Variants in ARID3B observed in about 807,000 individuals in gnomAD.
The protein encoded by ARID3B is AT-rich interaction domain 3B.
A neutral mutation model predicts 51.9 loss-of-function variants in ARID3B; 10 were observed. The ratio of observed to expected loss-of-function variants is 0.19; its 90% confidence interval spans 0.12 to 0.33. The LOEUF (loss-of-function observed/expected upper bound fraction) is 0.33. ARID3B is among the 10% of genes least tolerant of loss of function. The pLI is 1.00. For missense variants in ARID3B, 483 were observed against 716.3 expected, an observed-to-expected ratio of 0.67 and a Z score of 3.72; for synonymous variants, 205 against 279.5, an observed-to-expected ratio of 0.73 and a Z score of 2.66.
At chr15:74,557,182 A>G (rs184181328) in intron 2 of ARID3B, among the ~76,000 whole-genome samples, 1 of 151,880 alleles carries the variant, frequency 6.6e-6, no homozygotes, top group Non-Finnish European at 1.5e-5. Flanking sequence ...TCGGAGGCCA[A>G]CGCAGGCGGA....
intron 4 of ARID3B, among the ~76,000 whole-genome samples, chr15:74,589,219 C>T (rs112723646): frequency 0.045 from 6,883 of 151,470 alleles, 168 homozygotes; most frequent in Middle Eastern, 0.13. Flanking sequence ...TTAGTAGAGA[C>T]GGGGTTTCGC....
chr15:74,592,743 G>A (rs965656844), intron 7 of ARID3B, among the ~76,000 whole-genome samples: 1 of 152,226 alleles, frequency 6.6e-6, no homozygotes, highest in East Asian at 1.9e-4. Flanking sequence ...AGAGTCAAAG[G>A]AAAGAAAGGG....
At chr15:74,585,320 T>C (rs897897083) in intron 4 of ARID3B, among the ~76,000 whole-genome samples, 1 of 152,202 alleles carries the variant, frequency 6.6e-6, no homozygotes, top group Non-Finnish European at 1.5e-5. Flanking sequence ...GAAGATAGAA[T>C]ACAGCCCAGA....
intron 4 of ARID3B, among the ~76,000 whole-genome samples, chr15:74,577,380 G>A (rs1382568299): frequency 1.3e-5 from 2 of 151,852 alleles, no homozygotes; most frequent in African/African-American, 2.4e-5. Context: ...ACTTGAACCC[G>A]GGAGGCGGAG....
Position 74,543,766 on chromosome 15 carries a change from T to C in ARID3B, c.-77-94T>C. 7.8e-6 allele frequency: 6 copies of C among 765,190 alleles called. No homozygotes were observed. In the South Asian group the frequency reaches 1.2e-4, roughly 15 times the overall value. 47.4% of individuals were successfully genotyped at this position (765,190 alleles called of 1,614,324 possible). On this transcript the variant is annotated intron_variant, in intron 1 of 8. Transcript: ENST00000346246. Reference sequence around the variant, plus strand: ...GCATATGTTTAGCGTTCGGAACTCATGGCCCTCTACTGGAGAAAAGGAAAC... The same window carrying C: ...GCATATGTTTAGCGTTCGGAACTCACGGCCCTCTACTGGAGAAAAGGAAAC...
rs751944310 is a variant in ARID3B, at chr15:74,573,152, T to C, written c.645T>C (p.Asp215=). 1.9e-6 allele frequency: 3 copies of C among 1,614,098 alleles called. No homozygotes were observed. Among genetic ancestry groups the C allele is most frequent in the African/African-American group, 1.3e-5 (1 of 75,034 alleles). Reference sequence around the variant, plus strand: ...TGCAGCTGTATGAACTGGACGGTGATCCTGAAAGGAAAGAGTTCCTGGATG... The same window carrying C: ...TGCAGCTGTATGAACTGGACGGTGACCCTGAAAGGAAAGAGTTCCTGGATG... ...DFAKLYELDG[D]PERKEFLDDL... The change falls in exon 4 of 9, where the codon GAT becomes GAC. Residue 215 remains aspartate, a synonymous_variant. Transcript: ENST00000346246.
intron 4 of ARID3B, among the ~76,000 whole-genome samples, chr15:74,580,319 CT>C (rs1231957095): frequency 1.3e-5 from 2 of 152,168 alleles, no homozygotes; most frequent in Non-Finnish European, 2.9e-5. Flanking sequence ...TCCATTTAGT[CT>C]TTCAGTGCCC....
chr15:74,564,838 T>G (rs1016322041), intron 2 of ARID3B, among the ~76,000 whole-genome samples: 14 of 151,744 alleles, frequency 9.2e-5, no homozygotes, highest in African/African-American at 3.4e-4. Flanking sequence ...TGGGCTCAAG[T>G]GATCCACCTG....
intron 2 of ARID3B, among the ~76,000 whole-genome samples, chr15:74,554,151 C>T (rs926537630): frequency 2.0e-5 from 3 of 152,018 alleles, no homozygotes; most frequent in Non-Finnish European, 2.9e-5. Flanking sequence ...GGACTACAGG[C>T]GCCTGCCACA....
chr15:74,554,872 T>C (rs2141450892), intron 2 of ARID3B, among the ~76,000 whole-genome samples: 1 of 152,300 alleles, frequency 6.6e-6, no homozygotes, highest in African/African-American at 2.4e-5. Flanking sequence ...AGTCATACAT[T>C]TTTTGTTTCC....
chr15:74,544,423 A>G lies in ARID3B; in HGVS notation c.487A>G (p.Lys163Glu). 3 of 1,614,212 alleles carry G rather than the reference A, an allele frequency of 1.9e-6. No individual in the cohort carries two copies. Among genetic ancestry groups the G allele is most frequent in the Non-Finnish European group, 2.5e-6 (3 of 1,180,036 alleles). ...AKEDHTKDAS[K>E]ASPSVSTAGQ... ...AGAAGACCATACCAAAGATGCTTCC[A>G]AGGCCTCACCTTCTGTCTCCACAGC... The change falls in exon 2 of 9, where the codon AAG becomes GAG. Residue 163 changes from lysine (K) to glutamate (E), a missense_variant. Around this residue, in one of 3 missense-constraint regions of ARID3B, gnomAD observed 182 missense variants for 244.5 expected, o/e 0.74. Transcript: ENST00000346246.
At position 74,543,928 on chromosome 15, in the gene ARID3B, G is replaced by A. The variant is rs199788980; in HGVS notation, c.-9G>A. On this transcript the variant is annotated 5_prime_UTR_variant, in exon 2 of 9. Coordinates refer to ENST00000346246, the MANE Select transcript of ARID3B (RefSeq NM_006465.4). Reference sequence around the variant, plus strand: ...TCATGCCACTCTGTGGGTGAAGCTTGAGGCAAAAATGGAGCCACTTCAGCA... The same window carrying A: ...TCATGCCACTCTGTGGGTGAAGCTTAAGGCAAAAATGGAGCCACTTCAGCA... 12 of 1,604,186 alleles carry A rather than the reference G, an allele frequency of 7.5e-6. No individual in the cohort carries two copies. Among genetic ancestry groups the A allele is most frequent in the Middle Eastern group, 3.4e-4 (2 of 5,934 alleles).
In ARID3B at chr15:74,597,350, G is replaced by A; in HGVS notation, c.*1576G>A. 1 of 422,926 alleles carries A rather than the reference G, an allele frequency of 2.4e-6. No homozygotes were observed. Among genetic ancestry groups the A allele is most frequent in the South Asian group, 2.3e-5 (1 of 43,878 alleles). 26.2% of individuals were successfully genotyped at this position (422,926 alleles called of 1,614,324 possible). ...CAGTGGGAGACACCGCGCGTGGCGTGGGTGTGTGTGGCAGCGTGGCTCGCA... is the reference window on the plus strand; with the variant it reads ...CAGTGGGAGACACCGCGCGTGGCGTAGGTGTGTGTGGCAGCGTGGCTCGCA... On this transcript the variant is annotated 3_prime_UTR_variant, in exon 9 of 9. Transcript: ENST00000346246.
At chr15:74,557,952 G>T (rs2061665023) in intron 2 of ARID3B, among the ~76,000 whole-genome samples, 1 of 151,318 alleles carries the variant, frequency 6.6e-6, no homozygotes, top group African/African-American at 2.4e-5. Context: ...TTCCTGAGTA[G>T]CTGGGACTAC....
At chr15:74,565,797 A>AC (rs2061696066) in intron 2 of ARID3B, among the ~76,000 whole-genome samples, 1 of 150,206 alleles carries the variant, frequency 6.7e-6, no homozygotes, top group South Asian at 2.1e-4. Context: ...GGATCAGGAG[A>AC]CCTTTGTTAA....
intron 2 of ARID3B, among the ~76,000 whole-genome samples, chr15:74,554,997 G>A (rs1409944757): frequency 6.6e-6 from 1 of 152,014 alleles, no homozygotes; most frequent in African/African-American, 2.4e-5. Flanking sequence ...GCTCTTGAAT[G>A]TTCCCAGCAC....
chr15:74,560,109 G>A (rs2061674538), intron 2 of ARID3B, among the ~76,000 whole-genome samples: 1 of 148,942 alleles, frequency 6.7e-6, no homozygotes, highest in Non-Finnish European at 1.5e-5. Context: ...GGAAGCTGAG[G>A]CAGAAGAATC....
At chr15:74,555,824 C>T (rs1040276844) in intron 2 of ARID3B, among the ~76,000 whole-genome samples, 12 of 132,226 alleles carry the variant, frequency 9.1e-5, no homozygotes, top group Admixed American at 1.7e-4. Flanking sequence ...CGGAATCTCA[C>T]CTTGTTGCCC....
intron 5 of ARID3B, 31 bp downstream of exon 5, chr15:74,590,034 T>G (rs1396999942): frequency 6.4e-7 from 1 of 1,563,752 alleles, no homozygotes; most frequent in Non-Finnish European, 8.7e-7. Flanking sequence ...AGAAGGAAGC[T>G]GAGGCTGGAG....
Sources: allele counts gnomAD v4.1 joint callset (sites outside exome capture counted in the v4.1 genomes callset), GRCh38; gene constraint gnomAD v4.1.1; regional missense constraint gnomAD v4.1.1; transcripts MANE v1.5; gene names NCBI Gene and HGNC (gene_info 2026-07-23, HGNC 2026-07-21).